DLGAP2: variants seen among roughly 807,000 people sequenced by gnomAD.
The protein encoded by DLGAP2 is disks large-associated protein 2.
In DLGAP2, 26 loss-of-function variants were observed where a neutral mutation model predicts 100.3. That is an observed-to-expected ratio of 0.26 (90% confidence interval 0.19 to 0.36). The LOEUF (loss-of-function observed/expected upper bound fraction) is 0.36, where lower values mean the gene tolerates loss of function less well. Among genes scored for constraint, DLGAP2 ranks in the 10% least tolerant of loss-of-function variants. The probability of loss-of-function intolerance (pLI) is 1.00; values close to 1 mark genes in which losing one functional copy is unlikely to be tolerated. For synonymous variants in DLGAP2, 886 were observed against 630.1 expected (o/e 1.41, Z -6.08); for missense variants, 1,858 against 1,453.2 (o/e 1.28, Z -4.53).
rs189602522 is a variant in DLGAP2, at chr8:852,448, C to T, written c.19-55464C>T. 7.9e-5 allele frequency among the ~76,000 whole-genome samples: 12 copies of T among 152,278 alleles called. 1 individual carries two copies. In the South Asian group the frequency reaches 8.3e-4, roughly 11 times the overall value. On this transcript the variant is annotated intron_variant, in intron 1 of 14. Coordinates refer to ENST00000637795, the MANE Select transcript of DLGAP2 (RefSeq NM_001346810.2). ...AATGAAACCATCATGATTCTTTTGTCCGTCTTTTATCTGCTCATCAGCTGT... is the reference window on the plus strand; with the variant it reads ...AATGAAACCATCATGATTCTTTTGTTCGTCTTTTATCTGCTCATCAGCTGT...
intron 3 of DLGAP2, among the ~76,000 whole-genome samples, chr8:1,261,778 G>C (rs1196868605): frequency 6.6e-6 from 1 of 152,238 alleles, no homozygotes; most frequent in Non-Finnish European, 1.5e-5. Flanking sequence ...AATCATTTAA[G>C]TAATTAGTCT....
At position 1,701,270 on chromosome 8, in the gene DLGAP2, T is replaced by A; in HGVS notation, c.3032T>A (p.Leu1011Gln). Residue 1011 changes from leucine to glutamine, a missense_variant, in exon 15 of 15, where the codon CTG becomes CAG. Transcript: ENST00000637795. ...ATCACAAGAGAAAAATCCCTGGACC[T>A]GCCCGACAGACAACGCCAGGAAGCC... ...FPITREKSLDLPDRQRQEARR... is the reference protein window; with the variant it reads ...FPITREKSLDQPDRQRQEARR... The A allele has an allele frequency of 2.5e-6, 4 of 1,583,130 alleles. No individual in the cohort carries two copies. Among genetic ancestry groups the A allele is most frequent in the Non-Finnish European group, 3.4e-6 (4 of 1,165,410 alleles).
intron 12 of DLGAP2, among the ~76,000 whole-genome samples, chr8:1,689,078 C>G (rs1200814443): frequency 2.0e-5 from 3 of 152,186 alleles, no homozygotes; most frequent in African/African-American, 7.2e-5. Context: ...CTAGGACTGA[C>G]TGTTAAGGAA....
At chr8:885,824 C>T (rs1408123277) in intron 1 of DLGAP2, among the ~76,000 whole-genome samples, 1 of 152,100 alleles carries the variant, frequency 6.6e-6, no homozygotes, top group East Asian at 1.9e-4. Context: ...GAGTGTTTAA[C>T]AATCAATGTT....
chr8:1,683,016 TTAC>T (rs1798998272), intron 12 of DLGAP2, among the ~76,000 whole-genome samples: 1 of 151,480 alleles, frequency 6.6e-6, no homozygotes, highest in African/African-American at 2.4e-5. Context: ...TATTTATTGA[TTAC>T]TTACGACGAA....
chr8:1,463,057 G>C (rs996996866), intron 3 of DLGAP2, among the ~76,000 whole-genome samples: 8 of 152,138 alleles, frequency 5.3e-5, no homozygotes, highest in Non-Finnish European at 1.0e-4. Context: ...AAGACCAGCT[G>C]GGCCAAAATG....
chr8:965,687 C>G (rs1644879013), intron 2 of DLGAP2, among the ~76,000 whole-genome samples: 1 of 143,216 alleles, frequency 7.0e-6, no homozygotes, highest in African/African-American at 2.7e-5. Flanking sequence ...CGGCACTGTT[C>G]ACCTCACACG....
intron 10 of DLGAP2, among the ~76,000 whole-genome samples, chr8:1,671,496 C>T (rs1330864214): frequency 6.6e-6 from 1 of 152,250 alleles, no homozygotes; most frequent in Non-Finnish European, 1.5e-5. Flanking sequence ...GAGTCACTGG[C>T]TCATGGAGAG....
intron 2 of DLGAP2, among the ~76,000 whole-genome samples, chr8:960,011 G>A (rs560360957): frequency 9.9e-5 from 15 of 152,152 alleles, no homozygotes; most frequent in African/African-American, 3.6e-4. Context: ...ACTGATGTTT[G>A]AGGATTATCC....
At chr8:839,449 A>G (rs1477751830) in intron 1 of DLGAP2, among the ~76,000 whole-genome samples, 1 of 152,230 alleles carries the variant, frequency 6.6e-6, no homozygotes, top group Non-Finnish European at 1.5e-5. Context: ...GGAGGACTTT[A>G]TGCTGAGCGA....
chr8:901,295 C>T (rs1009176901), intron 1 of DLGAP2, among the ~76,000 whole-genome samples: 1 of 152,134 alleles, frequency 6.6e-6, no homozygotes. Flanking sequence ...CTGTCTCATA[C>T]AAAAAGTAGG....
rs112488173 is a variant in DLGAP2, at chr8:1,681,930, G to A, written c.2704+3301G>A. Among the ~76,000 whole-genome samples, 31 of 147,084 alleles carry A rather than the reference G, an allele frequency of 2.1e-4. No homozygotes were observed. The East Asian group carries it at 3.7e-3, about 18-fold the overall frequency. ...GGACTGGGAGTCACGGCCCTCTGACGTTGAACGCTCTGCCTTCCCAGCAGT... is the reference window on the plus strand; with the variant it reads ...GGACTGGGAGTCACGGCCCTCTGACATTGAACGCTCTGCCTTCCCAGCAGT... On this transcript the variant is annotated intron_variant, in intron 12 of 14. Coordinates refer to ENST00000637795, the MANE Select transcript of DLGAP2 (RefSeq NM_001346810.2).
chr8:942,175 C>T (rs1799212927), intron 2 of DLGAP2, among the ~76,000 whole-genome samples: 1 of 152,144 alleles, frequency 6.6e-6, no homozygotes, highest in Admixed American at 6.5e-5. Flanking sequence ...TCCTGAAATC[C>T]TGGGCTTAAG....
At chr8:1,637,749 C>G (rs78051948) in intron 8 of DLGAP2, among the ~76,000 whole-genome samples, 1 of 152,220 alleles carries the variant, frequency 6.6e-6, no homozygotes, top group Non-Finnish European at 1.5e-5. Context: ...CACTGAAGTC[C>G]TGAGCATTGG....
At chr8:1,448,331 C>A (rs1043730040) in intron 3 of DLGAP2, among the ~76,000 whole-genome samples, 1 of 152,100 alleles carries the variant, frequency 6.6e-6, no homozygotes, top group Non-Finnish European at 1.5e-5. Context: ...TTTCTGCCTT[C>A]ATTTTATTAT....
intron 5 of DLGAP2, among the ~76,000 whole-genome samples, chr8:1,554,522 C>T (rs566834507): frequency 1.3e-5 from 2 of 152,130 alleles, no homozygotes; most frequent in African/African-American, 2.4e-5. Context: ...CTCAGCTCAG[C>T]TTGGCCTCCA....
intron 3 of DLGAP2, among the ~76,000 whole-genome samples, chr8:1,419,434 T>G (rs1797031437): frequency 3.3e-5 from 2 of 60,354 alleles, no homozygotes; most frequent in African/African-American, 7.5e-5. Flanking sequence ...TGTGTTACAC[T>G]CTGATACGTG....
At chr8:1,494,470 G>A (rs866334335) in intron 3 of DLGAP2, among the ~76,000 whole-genome samples, 5 of 152,182 alleles carry the variant, frequency 3.3e-5, no homozygotes, top group African/African-American at 9.6e-5. Flanking sequence ...GGTGCCTCAC[G>A]CCTTAATCCC....
intron 12 of DLGAP2, chr8:1,680,862 A>T (rs1281840126): frequency 6.6e-6 from 1 of 152,252 alleles, no homozygotes; most frequent in Admixed American, 6.5e-5. Flanking sequence ...TGCATTGCCT[A>T]AGTTGACGCC....
Sources: gnomAD v4.1 joint callset for allele counts (sites outside exome capture counted in the v4.1 genomes callset) on GRCh38, gnomAD v4.1.1 for gene constraint, MANE v1.5 for transcripts, NCBI Gene and HGNC (gene_info 2026-07-23, HGNC 2026-07-21) for gene names.